HTR2C: variants seen among roughly 807,000 people sequenced by gnomAD.
HTR2C encodes 5-hydroxytryptamine (serotonin) receptor 2C, G protein-coupled.
HTR2C carries 5 observed loss-of-function variants against 21.0 expected under a neutral mutation model. That is an observed-to-expected ratio of 0.24 (90% CI 0.12 to 0.50). HTR2C has a LOEUF of 0.50. HTR2C is among the 20% of genes least tolerant of loss of function. The pLI, the probability that HTR2C is intolerant of heterozygous loss-of-function variation, is 0.98. For synonymous variants in HTR2C, 150 were observed against 145.3 expected (o/e 1.03, Z -0.23); for missense variants, 271 against 371.2 (o/e 0.73, Z 2.22).
chrX:114,808,272 TTCCA>T (rs1426679707), intron 4 of HTR2C, among the ~76,000 whole-genome samples: 7 of 111,670 alleles, frequency 6.3e-5, no homozygotes, highest in African/African-American at 2.3e-4. Flanking sequence ...TTACCCCCAG[TTCCA>T]TCCATGTTGT....
At chrX:114,657,686 T>C in intron 2 of HTR2C, among the ~76,000 whole-genome samples, 1 of 111,608 alleles carries the variant, frequency 9.0e-6, no homozygotes, top group Middle Eastern at 4.6e-3. Context: ...ATTATCTTTT[T>C]ATTCTCATTT....
In HTR2C at chrX:114,791,637, C is replaced by T. The variant is rs782117245; in HGVS notation, c.350-56366C>T. ...GCCAATTAGAGATCAGAAGTTCATT[C>T]ATTCATTCATTCATTCAGATACTGA... On this transcript the variant is annotated intron_variant, in intron 4 of 5. Coordinates refer to ENST00000276198, the MANE Select transcript of HTR2C (RefSeq NM_000868.4). Among the ~76,000 whole-genome samples, 4 of 110,807 alleles carry T rather than the reference C, an allele frequency of 3.6e-5. No individual in the cohort carries two copies. The East Asian group carries it at 8.5e-4, about 24-fold the overall frequency.
chrX:114,768,967 C>A (rs1274312163), intron 4 of HTR2C, among the ~76,000 whole-genome samples: 2 of 110,417 alleles, frequency 1.8e-5, no homozygotes, highest in Non-Finnish European at 3.8e-5. Flanking sequence ...CAAGTGCCAT[C>A]ATATGACACT....
intron 2 of HTR2C, among the ~76,000 whole-genome samples, chrX:114,626,411 A>AAAAAG (rs1556402884): frequency 9.1e-6 from 1 of 109,506 alleles, no homozygotes; most frequent in African/African-American, 3.3e-5. Context: ...AGAAAAAAAG[A>AAAAAG]AAGAAATATG....
At chrX:114,881,193 A>G (rs2071178408) in intron 5 of HTR2C, among the ~76,000 whole-genome samples, 1 of 110,880 alleles carries the variant, frequency 9.0e-6, no homozygotes, top group African/African-American at 3.3e-5. Context: ...CCTTTGCCCA[A>G]TTTTAATTGG....
intron 5 of HTR2C, among the ~76,000 whole-genome samples, chrX:114,894,085 A>G (rs953411010): frequency 9.0e-6 from 1 of 110,889 alleles, no homozygotes; most frequent in Non-Finnish European, 1.9e-5. Context: ...ATGGGACTGC[A>G]AAATGGTACT....
At chrX:114,617,548 G>A (rs1382119555) in intron 2 of HTR2C, among the ~76,000 whole-genome samples, 1 of 112,347 alleles carries the variant, frequency 8.9e-6, no homozygotes, top group African/African-American at 3.2e-5. Flanking sequence ...GCAGTTTGTT[G>A]TAGTTATCTG....
chrX:114,599,336 GGCCATGTGCTC>G lies in HTR2C; in HGVS notation c.-146-14478_-146-14468del, dbSNP rs782133724. Among the ~76,000 whole-genome samples, 8 of 111,755 alleles carry G rather than the reference GGCCATGTGCTC, an allele frequency of 7.2e-5. No homozygotes were observed. The East Asian group carries it at 2.2e-3, about 31-fold the overall frequency. On this transcript the variant is annotated intron_variant, in intron 1 of 5. Transcript: ENST00000276198. Reference sequence around the variant, plus strand: ...AAATTAGATGACTGACCAGTTAACAGGCCATGTGCTCTTATTTATGATAGCCTTTATTTCTT... The same window carrying G: ...AAATTAGATGACTGACCAGTTAACAGTTATTTATGATAGCCTTTATTTCTT...
intron 4 of HTR2C, among the ~76,000 whole-genome samples, chrX:114,807,386 G>A (rs782364862): frequency 5.6e-4 from 16 of 28,570 alleles, no homozygotes; most frequent in South Asian, 3.3e-3. Flanking sequence ...ATATATATAC[G>A]CCATATCTAT....
intron 2 of HTR2C, among the ~76,000 whole-genome samples, chrX:114,615,781 C>A (rs947603299): frequency 1.8e-5 from 2 of 111,867 alleles, no homozygotes; most frequent in Non-Finnish European, 3.8e-5. Flanking sequence ...GCTTCTCTCC[C>A]AGGCCTGTGC....
chrX:114,853,166 T>C (rs2070933005), intron 5 of HTR2C, among the ~76,000 whole-genome samples: 1 of 111,841 alleles, frequency 8.9e-6, no homozygotes, highest in Non-Finnish European at 1.9e-5. Flanking sequence ...ATTAAATGTA[T>C]GAAAACCACT....
chrX:114,810,414 G>T (rs781924444), intron 4 of HTR2C, among the ~76,000 whole-genome samples: 1 of 110,265 alleles, frequency 9.1e-6, no homozygotes, highest in South Asian at 4.1e-4. Context: ...GCCCATGGTG[G>T]TGGGGCTTGC....
chrX:114,681,897 A>G (rs1931759717), intron 2 of HTR2C, among the ~76,000 whole-genome samples: 1 of 111,539 alleles, frequency 9.0e-6, no homozygotes, highest in Non-Finnish European at 1.9e-5. Flanking sequence ...ATGAGCCTTC[A>G]GATACACAGT....
At chrX:114,845,372 G>A (rs782790499) in intron 4 of HTR2C, among the ~76,000 whole-genome samples, 8 of 110,141 alleles carry the variant, frequency 7.3e-5, no homozygotes, top group East Asian at 5.7e-4. Context: ...CAAAAGCTGC[G>A]CTCAGAGGGA....
At chrX:114,903,047 T>C (rs1462758059) in intron 5 of HTR2C, among the ~76,000 whole-genome samples, 1 of 112,181 alleles carries the variant, frequency 8.9e-6, no homozygotes, top group Non-Finnish European at 1.9e-5. Flanking sequence ...TTAAAGACAG[T>C]TAGGAAAGGA....
intron 4 of HTR2C, among the ~76,000 whole-genome samples, chrX:114,842,657 G>A: frequency 8.9e-6 from 1 of 112,014 alleles, no homozygotes; most frequent in East Asian, 2.8e-4. Context: ...TCTTCCACCT[G>A]TGACCGGGCT....
At chrX:114,619,196 T>G (rs1556401065) in intron 2 of HTR2C, among the ~76,000 whole-genome samples, 3 of 110,855 alleles carry the variant, frequency 2.7e-5, no homozygotes, top group African/African-American at 9.8e-5. Flanking sequence ...CTCTCCCTTA[T>G]CCCCCGTAAT....
chrX:114,889,757 G>T (rs1441150021), intron 5 of HTR2C, among the ~76,000 whole-genome samples: 2 of 111,457 alleles, frequency 1.8e-5, no homozygotes, highest in Non-Finnish European at 3.8e-5. Context: ...CACTAGAAAA[G>T]TCAAATAATG....
chrX:114,834,843 C>G (rs1556462948), intron 4 of HTR2C, among the ~76,000 whole-genome samples: 1 of 109,164 alleles, frequency 9.2e-6, no homozygotes, highest in East Asian at 2.9e-4. Flanking sequence ...GCGGCTGGTA[C>G]CAGTTGTTCC....
Sources: allele counts gnomAD v4.1 joint callset (sites outside exome capture counted in the v4.1 genomes callset), GRCh38; gene constraint gnomAD v4.1.1; transcripts MANE v1.5; gene names NCBI Gene and HGNC (gene_info 2026-07-23, HGNC 2026-07-21).